Variants in SNRPN observed in about 807,000 individuals in gnomAD.
SNRPN encodes the protein small nuclear ribonucleoprotein-associated protein N.
In SNRPN, 7 loss-of-function variants were observed where a neutral mutation model predicts 25.2. The observed-to-expected ratio is 0.28, with a 90% CI of 0.16 to 0.52. SNRPN has a LOEUF of 0.52. Ranked by LOEUF, SNRPN falls within the 20% of genes least tolerant of loss-of-function variation. The pLI is 0.96. For synonymous variants in SNRPN, 124 were observed against 110.6 expected (o/e 1.12, Z -0.76); for missense variants, 196 against 322.5 (o/e 0.61, Z 3.00).
chr15:24,912,638 T>C (rs987590847), intron 2 of SNRPN: 5 of 152,282 alleles, frequency 3.3e-5, no homozygotes, highest in African/African-American at 1.2e-4. Context: ...AATGCAACAG[T>C]ATTAAGAGGT....
In SNRPN at chr15:24,927,475, A is replaced by ATTTTTTT. The variant is rs1566921436; in HGVS notation, c.-391+7351_-391+7352insTTTTTTT. ...TTTCCCACTGCTTATAAAGTTTTTA[A>ATTTTTTT]ATTTTTTTTTTTTTTTTTTTTTTTT... On this transcript the variant is annotated intron_variant, in intron 3 of 11. Transcript: ENST00000400097. 5.9e-3 allele frequency among the ~76,000 whole-genome samples: 671 copies of ATTTTTTT among 113,236 alleles called. 132 individuals carry two copies. The highest frequency in any genetic ancestry group is 9.7e-3 in the African/African-American group (287 of 29,574). 74.3% of individuals were successfully genotyped at this position (113,236 alleles called of 152,430 possible).
exon 1 of SNRPN, chr15:24,823,817 C>T (rs2049897855): frequency 6.6e-6 from 1 of 152,128 alleles, no homozygotes. Context: ...TCAATGACAC[C>T]TTCCTGGTAA....
At chr15:24,944,014 G>T (rs1566937776) in intron 3 of SNRPN, among the ~76,000 whole-genome samples, 1 of 152,024 alleles carries the variant, frequency 6.6e-6, no homozygotes, top group Non-Finnish European at 1.5e-5. Context: ...TAGAGACGGG[G>T]TTTCACCACG....
At chr15:24,831,502 CTCTT>C (rs2050513778) in intron 2 of SNRPN, among the ~76,000 whole-genome samples, 1 of 151,940 alleles carries the variant, frequency 6.6e-6, no homozygotes, top group Admixed American at 6.6e-5. Context: ...TTTACATCCA[CTCTT>C]TCTTCATTTT....
intron 3 of SNRPN, among the ~76,000 whole-genome samples, chr15:24,935,791 G>T (rs1566930353): frequency 6.6e-6 from 1 of 152,112 alleles, no homozygotes; most frequent in Non-Finnish European, 1.5e-5. Flanking sequence ...AGTGGACTAT[G>T]GGTGCTCACT....
intron 2 of SNRPN, among the ~76,000 whole-genome samples, chr15:24,916,036 A>G (rs1044355843): frequency 3.4e-5 from 5 of 145,226 alleles, no homozygotes; most frequent in African/African-American, 1.0e-4. Context: ...CAATGGCACA[A>G]TCTCGGCTCA....
intron 7 of SNRPN, among the ~76,000 whole-genome samples, chr15:24,977,424 A>G (rs1038199636): frequency 6.6e-6 from 1 of 152,164 alleles, no homozygotes; most frequent in African/African-American, 2.4e-5. Context: ...AGATCACTTG[A>G]GGTCAGGAGT....
chr15:24,874,714 C>T (rs2055675641), intron 1 of SNRPN, among the ~76,000 whole-genome samples: 2 of 99,868 alleles, frequency 2.0e-5, no homozygotes, highest in South Asian at 7.6e-4. Context: ...TACAGAGATG[C>T]TGTCAGTAGG....
At chr15:24,972,894 A>G (rs1410681631) in intron 3 of SNRPN, among the ~76,000 whole-genome samples, 3 of 147,942 alleles carry the variant, frequency 2.0e-5, no homozygotes, top group Admixed American at 6.8e-5. Flanking sequence ...CTTCCCCACC[A>G]CCCCCAACCC....
chr15:24,823,899 A>G (rs2049902346), intron 1 of SNRPN: 1 of 152,174 alleles, frequency 6.6e-6, no homozygotes, highest in South Asian at 2.1e-4. Context: ...TCTTTCTTTT[A>G]ATCACATAAA....
intron 1 of SNRPN, among the ~76,000 whole-genome samples, chr15:24,873,694 G>C (rs974059228): frequency 1.3e-5 from 2 of 152,008 alleles, no homozygotes; most frequent in Admixed American, 1.3e-4. Flanking sequence ...TGATCCACCT[G>C]CCTCGGCCTC....
chr15:24,838,393 C>A (rs963193199), intron 2 of SNRPN, among the ~76,000 whole-genome samples: 7 of 152,056 alleles, frequency 4.6e-5, no homozygotes, highest in Admixed American at 1.3e-4. Flanking sequence ...TTTTCCAGTA[C>A]ACAGTTTATA....
intron 2 of SNRPN, among the ~76,000 whole-genome samples, chr15:24,915,968 C>CT (rs35835568): frequency 0.19 from 18,557 of 97,444 alleles, 2,595 homozygotes; most frequent in East Asian, 0.39. Context: ...GCCAGGTTGA[C>CT]TTTTTTTTTT....
At chr15:24,851,743 C>G (rs1012407790), upstream of SNRPN, 2 of 152,112 alleles carry the variant, frequency 1.3e-5, no homozygotes, top group African/African-American at 4.8e-5. Context: ...CTGAGGAGGT[C>G]CCTGTGCATT....
intron 1 of SNRPN, among the ~76,000 whole-genome samples, chr15:24,877,697 A>ACACACACACACACACAC (rs1566858064): frequency 4.4e-5 from 5 of 113,838 alleles, no homozygotes; most frequent in Admixed American, 8.3e-5. Context: ...CACACACACA[A>ACACACACACACACACAC]ACACACTAGC....
chr15:24,923,919 AAAC>A (rs1566917404), intron 3 of SNRPN, among the ~76,000 whole-genome samples: 5 of 54,950 alleles, frequency 9.1e-5, no homozygotes, highest in African/African-American at 3.8e-4. Context: ...GTGTGTATAT[AAAC>A]ATTTTTTTTT....
At chr15:24,855,452 A>G (rs2053296037), upstream of SNRPN, among the ~76,000 whole-genome samples, 1 of 152,148 alleles carries the variant, frequency 6.6e-6, no homozygotes, top group South Asian at 2.1e-4. Flanking sequence ...GTTTTAGAAT[A>G]TCTTTTTTTG....
At chr15:24,971,559 T>A (rs561233170) in intron 3 of SNRPN, among the ~76,000 whole-genome samples, 36 of 151,798 alleles carry the variant, frequency 2.4e-4, no homozygotes, top group Admixed American at 2.6e-4. Flanking sequence ...AAATATAAAA[T>A]AATAATCTGT....
intron 2 of SNRPN, among the ~76,000 whole-genome samples, chr15:24,832,114 CCCA>C (rs2050582149): frequency 6.6e-6 from 1 of 151,402 alleles, no homozygotes; most frequent in Non-Finnish European, 1.5e-5. Context: ...AATTTACATT[CCCA>C]CCGACAGTAC....
Sources: allele counts gnomAD v4.1 joint callset (sites outside exome capture counted in the v4.1 genomes callset), GRCh38; gene constraint gnomAD v4.1.1; transcripts MANE v1.5; gene names NCBI Gene and HGNC (gene_info 2026-07-23, HGNC 2026-07-21).